CATSPER3: variants seen among roughly 807,000 people sequenced by gnomAD.
CATSPER3 encodes the protein cation channel sperm associated 3, also known as cation channel sperm-associated protein 3.
A neutral mutation model predicts 36.6 loss-of-function variants in CATSPER3; 23 were observed. The ratio of observed to expected loss-of-function variants is 0.63; its 90% CI spans 0.45 to 0.89. The LOEUF (loss-of-function observed/expected upper bound fraction) is 0.89, where lower values mean the gene tolerates loss of function less well. CATSPER3 is among the 40% of genes least tolerant of loss of function. The probability of loss-of-function intolerance (pLI) is 0.00; values close to 1 mark genes in which losing one functional copy is unlikely to be tolerated. For synonymous variants in CATSPER3, 172 were observed against 184.1 expected (o/e 0.93, Z 0.53); for missense variants, 474 against 503.9 (o/e 0.94, Z 0.57).
chr5:134,988,119 G>T (rs948300708), intron 2 of CATSPER3, among the ~76,000 whole-genome samples: 7 of 152,176 alleles, frequency 4.6e-5, no homozygotes, highest in African/African-American at 1.7e-4. Flanking sequence ...TTATACTGTA[G>T]TCTGTTAAGT....
intron 2 of CATSPER3, among the ~76,000 whole-genome samples, chr5:134,986,814 G>A (rs1751817512): frequency 6.6e-6 from 1 of 152,114 alleles, no homozygotes; most frequent in African/African-American, 2.4e-5. Context: ...AGCGAAATTA[G>A]AAAATATAAG....
At chr5:134,992,491 G>C (rs757071886) in intron 2 of CATSPER3, among the ~76,000 whole-genome samples, 1 of 152,166 alleles carries the variant, frequency 6.6e-6, no homozygotes, top group Non-Finnish European at 1.5e-5. Flanking sequence ...TTGGAAGGCC[G>C]AAGCGGGTGG....
intron 7 of CATSPER3, 135 bp downstream of exon 7, chr5:135,010,665 G>C: frequency 1.2e-6 from 1 of 800,266 alleles, no homozygotes; most frequent in Non-Finnish European, 2.1e-6. Context: ...TGGCTTTCTT[G>C]GGGTTACAGG....
At chr5:134,998,901 A>G (rs1203260835) in intron 3 of CATSPER3, among the ~76,000 whole-genome samples, 1 of 152,182 alleles carries the variant, frequency 6.6e-6, no homozygotes, top group Admixed American at 6.5e-5. Flanking sequence ...TTTGCTGTGC[A>G]GAAGCTCTTT....
In CATSPER3 at chr5:135,009,320, C is replaced by T. The variant is rs543188836; in HGVS notation, c.817-51C>T. Reference sequence around the variant, plus strand: ...GACTGGGGAAGAGGAAAGACTGGGTCTGGGCATGTAGCGAGAGCCTGTAGT... The same window carrying T: ...GACTGGGGAAGAGGAAAGACTGGGTTTGGGCATGTAGCGAGAGCCTGTAGT... On this transcript the variant is annotated intron_variant, in intron 5 of 7. Transcript: ENST00000282611. 54 of 1,597,112 alleles carry T rather than the reference C, an allele frequency of 3.4e-5. No individual in the cohort carries two copies. In the East Asian group the frequency reaches 6.9e-4, roughly 20 times the overall value.
chr5:134,970,510 T>C (rs1016954396), intron 2 of CATSPER3, among the ~76,000 whole-genome samples: 1 of 151,640 alleles, frequency 6.6e-6, no homozygotes, highest in African/African-American at 2.4e-5. Flanking sequence ...TGTAGAATTC[T>C]AAAAATACTC....
intron 2 of CATSPER3, among the ~76,000 whole-genome samples, chr5:134,978,118 C>T (rs114908251): frequency 0.012 from 1,823 of 152,176 alleles, 41 homozygotes; most frequent in African/African-American, 0.041. Context: ...ACATCCAAAC[C>T]GTATTATGTC....
chr5:134,996,619 G>A (rs1751953483), intron 3 of CATSPER3, 107 bp downstream of exon 3: 1 of 1,091,894 alleles, frequency 9.2e-7, no homozygotes. Context: ...CAGTTGTTGA[G>A]TCCAACGTGT....
At chr5:134,988,213 C>T (rs2149548850) in intron 2 of CATSPER3, among the ~76,000 whole-genome samples, 1 of 152,276 alleles carries the variant, frequency 6.6e-6, no homozygotes, top group African/African-American at 2.4e-5. Flanking sequence ...ATCATCTGAG[C>T]CTTCAGCAAG....
At chr5:134,981,098 CTTTT>C (rs1561458839) in intron 2 of CATSPER3, among the ~76,000 whole-genome samples, 1 of 151,326 alleles carries the variant, frequency 6.6e-6, no homozygotes, top group African/African-American at 2.4e-5. Context: ...TCCCTTCCTT[CTTTT>C]GTTTCTTCTT....
chr5:134,971,913 G>A (rs1751612027), intron 2 of CATSPER3, among the ~76,000 whole-genome samples: 1 of 152,170 alleles, frequency 6.6e-6, no homozygotes, highest in Non-Finnish European at 1.5e-5. Flanking sequence ...AGAAGAATGA[G>A]CTCAGTGAGG....
chr5:134,989,159 T>TA (rs1254173481), intron 2 of CATSPER3, among the ~76,000 whole-genome samples: 1 of 152,194 alleles, frequency 6.6e-6, no homozygotes, highest in African/African-American at 2.4e-5. Flanking sequence ...TGTAAACCGA[T>TA]ATGCTGTCAT....
chr5:135,008,191 C>T, intron 4 of CATSPER3, 52 bp downstream of exon 4: 2 of 1,477,776 alleles, frequency 1.4e-6, no homozygotes, highest in Non-Finnish European at 1.9e-6. Flanking sequence ...AAGGGACAGC[C>T]TAGGTGGTGC....
intron 3 of CATSPER3, among the ~76,000 whole-genome samples, chr5:135,007,471 C>T (rs949031154): frequency 2.0e-5 from 3 of 152,192 alleles, no homozygotes; most frequent in African/African-American, 4.8e-5. Flanking sequence ...AGACAGGGAC[C>T]TACCTGTGAA....
rs188581982 is a variant in CATSPER3 at position 134,979,075 on chromosome 5, A to G, written c.252+8983A>G. Reference sequence around the variant, plus strand: ...CACTCCCCTCCCCAGCATGGTGATGATCCTGAAGACAGCAGCTCACATTCC... The same window carrying G: ...CACTCCCCTCCCCAGCATGGTGATGGTCCTGAAGACAGCAGCTCACATTCC... On this transcript the variant is annotated intron_variant, in intron 2 of 7. Transcript: ENST00000282611. 1.0e-3 allele frequency among the ~76,000 whole-genome samples: 155 copies of G among 152,156 alleles called. 1 individual carries two copies. Among genetic ancestry groups the G allele is most frequent in the African/African-American group, 3.4e-3 (142 of 41,512 alleles).
At chr5:134,971,066 C>T (rs183488809) in intron 2 of CATSPER3, among the ~76,000 whole-genome samples, 90 of 152,178 alleles carry the variant, frequency 5.9e-4, no homozygotes, top group Non-Finnish European at 1.1e-3. Flanking sequence ...TCTCCTGCCT[C>T]AGCCTCCCGA....
At chr5:134,993,651 G>T (rs1403734680) in intron 2 of CATSPER3, among the ~76,000 whole-genome samples, 1 of 152,030 alleles carries the variant, frequency 6.6e-6, no homozygotes, top group African/African-American at 2.4e-5. Context: ...TGAAAACCTA[G>T]CTGAAATAGA....
At chr5:135,009,217 C>T (rs181270927) in intron 5 of CATSPER3, among the ~76,000 whole-genome samples, 154 bp from the exon 6 acceptor site, 44 of 152,310 alleles carry the variant, frequency 2.9e-4, no homozygotes, top group African/African-American at 9.1e-4. Flanking sequence ...GCCTCTGCAG[C>T]TACAGTTGGC....
At chr5:134,970,194 CTGTCAGGCTGGAGTGCAG>C in intron 2 of CATSPER3, 102 bp downstream of exon 2, 1 of 1,187,160 alleles carries the variant, frequency 8.4e-7, no homozygotes, top group Non-Finnish European at 1.2e-6. Flanking sequence ...GAATCTCACT[CTGTCAGGCTGGAGTGCAG>C]TGGCGTGATC....
Sources: gnomAD v4.1 joint callset for allele counts (sites outside exome capture counted in the v4.1 genomes callset) on GRCh38, gnomAD v4.1.1 for gene constraint, MANE v1.5 for transcripts, NCBI Gene and HGNC (gene_info 2026-07-23, HGNC 2026-07-21) for gene names.